The following PARD3B variants were observed in gnomAD, a reference collection of about 807,000 sequenced individuals.
The protein encoded by PARD3B is par-3 family cell polarity regulator beta.
In PARD3B, 103 loss-of-function variants were observed where a neutral mutation model predicts 130.2. The observed-to-expected ratio is 0.79, with a 90% confidence interval of 0.67 to 0.93. PARD3B has a LOEUF of 0.93. Ranked by LOEUF, PARD3B falls within the 40% of genes least tolerant of loss-of-function variation. The probability of loss-of-function intolerance (pLI) is 0.00; values close to 1 mark genes in which losing one functional copy is unlikely to be tolerated. For synonymous variants in PARD3B, 583 were observed against 553.2 expected (o/e 1.05, Z -0.76); for missense variants, 1,609 against 1,499.2 (o/e 1.07, Z -1.21).
intron 22 of PARD3B, among the ~76,000 whole-genome samples, chr2:205,598,918 T>C (rs1305440578): frequency 6.6e-6 from 1 of 152,114 alleles, no homozygotes; most frequent in African/African-American, 2.4e-5. Flanking sequence ...TTGAAACTAA[T>C]GAGAACAGAG....
intron 4 of PARD3B, among the ~76,000 whole-genome samples, chr2:205,061,374 T>C (rs961287953): frequency 6.6e-6 from 1 of 152,176 alleles, no homozygotes; most frequent in Admixed American, 6.6e-5. Context: ...GCTTGACCAC[T>C]GACTGATTTG....
At chr2:205,409,507 T>C (rs2046525137) in intron 19 of PARD3B, among the ~76,000 whole-genome samples, 2 of 152,170 alleles carry the variant, frequency 1.3e-5, no homozygotes, top group African/African-American at 4.8e-5. Flanking sequence ...TTACTGTATT[T>C]CTATAGACCA....
At position 205,589,288 on chromosome 2, in the gene PARD3B, CTCAA is replaced by C. The variant is rs979752330; in HGVS notation, c.3261-26147_3261-26144del. 6.6e-6 allele frequency among the ~76,000 whole-genome samples: 1 copy of C among 152,234 alleles called. No individual in the cohort carries two copies. The highest frequency in any genetic ancestry group is 1.5e-5 in the Non-Finnish European group (1 of 68,016). On this transcript the variant is annotated intron_variant, in intron 22 of 22. Transcript: ENST00000406610. This position sits in a 1 kb window ranked among gnomAD's most constrained non-coding sequence, Gnocchi z 4.1. ...CCTGGGTGGTGAAGCGAGACCCTGT[CTCAA>C]TCAATCAATCAATCAATCAAATCCT...
intron 2 of PARD3B, among the ~76,000 whole-genome samples, chr2:204,820,527 G>A (rs1559171327): frequency 6.6e-6 from 1 of 151,862 alleles, no homozygotes; most frequent in South Asian, 2.1e-4. Flanking sequence ...ACTTTAAGAG[G>A]AAGCTGGTTG....
At chr2:205,227,525 G>A (rs115072306) in intron 15 of PARD3B, among the ~76,000 whole-genome samples, 2,733 of 151,990 alleles carry the variant, frequency 0.018, 87 homozygotes, top group African/African-American at 0.062. Context: ...TTTCCACTGG[G>A]ATGGGATATC....
At chr2:204,779,390 T>C (rs1218641682) in intron 2 of PARD3B, among the ~76,000 whole-genome samples, 4 of 152,140 alleles carry the variant, frequency 2.6e-5, no homozygotes, top group East Asian at 1.9e-4. Context: ...CTGATATGCA[T>C]TGGTCATAGG....
chr2:204,878,220 G>T (rs2045917015), intron 2 of PARD3B, among the ~76,000 whole-genome samples: 1 of 152,076 alleles, frequency 6.6e-6, no homozygotes, highest in Non-Finnish European at 1.5e-5. Flanking sequence ...AGCTAATTAT[G>T]TGCCATCAAA....
intron 16 of PARD3B, among the ~76,000 whole-genome samples, chr2:205,267,594 CAGA>C (rs2040560199): frequency 6.6e-6 from 1 of 152,090 alleles, no homozygotes; most frequent in African/African-American, 2.4e-5. Context: ...AAAGCAAGCT[CAGA>C]AGCAGAAATG....
Position 205,440,638 on chromosome 2 carries a change from A to G in PARD3B, c.3010A>G (p.Asn1004Asp). The stretch of plus-strand genomic sequence containing the variant: ...CTTAGAGGGTCTCTATGCCAAGGTC[A>G]ACAAGCCATACCATCCACTGGTTCC... ...DHLEGLYAKV[N>D]KPYHPLVPAD... The change falls in exon 20 of 23, where the codon AAC becomes GAC. Residue 1004 changes from asparagine (N) to aspartate (D), a missense_variant. Coordinates refer to ENST00000406610, the MANE Select transcript of PARD3B (RefSeq NM_001302769.2). This position sits in a 1 kb window ranked among gnomAD's most constrained non-coding sequence, Gnocchi z 4.2. The G allele has an allele frequency of 6.2e-7, 1 of 1,613,942 alleles. No individual in the cohort carries two copies. The highest frequency in any genetic ancestry group is 8.5e-7 in the Non-Finnish European group (1 of 1,179,886).
intron 18 of PARD3B, among the ~76,000 whole-genome samples, chr2:205,385,192 A>G (rs1192439342): frequency 3.3e-5 from 5 of 152,100 alleles, no homozygotes; most frequent in Admixed American, 6.6e-5. Flanking sequence ...TAGCTAATAA[A>G]TTACCAAATT....
rs2048920450 is a variant in PARD3B, at chr2:205,473,680, G to GTGTGTA, written c.3045-26215_3045-26214insGTGTAT. 1.2e-5 allele frequency among the ~76,000 whole-genome samples: 1 copy of GTGTGTA among 86,044 alleles called. No homozygotes were observed. The highest frequency in any genetic ancestry group is 2.1e-5 in the Non-Finnish European group (1 of 47,788). 56.4% of individuals were successfully genotyped at this position (86,044 alleles called of 152,430 possible). ...TGTGTGTGTGTGTGTGTGTGTGTGT[G>GTGTGTA]TATGTATATATATATATATATATAT... On this transcript the variant is annotated intron_variant, in intron 20 of 22. Transcript: ENST00000406610. This position sits in a 1 kb window ranked among gnomAD's most constrained non-coding sequence, Gnocchi z 4.9.
chr2:205,549,034 A>G (rs1188191349), intron 21 of PARD3B, among the ~76,000 whole-genome samples: 1 of 152,334 alleles, frequency 6.6e-6, no homozygotes, highest in Non-Finnish European at 1.5e-5. Flanking sequence ...TCTACATCAC[A>G]TGTCATCAAG....
chr2:205,493,724 GTATTTATTTATTTATTTATT>G (rs1013265539), intron 20 of PARD3B, among the ~76,000 whole-genome samples: 1 of 14,984 alleles, frequency 6.7e-5, no homozygotes, highest in African/African-American at 1.2e-4. Context: ...ATTTATGTAT[GTATTTATTTATTTATTTATT>G]TATTTATTTA....
chr2:204,968,958 A>T (rs1212063002), intron 3 of PARD3B, among the ~76,000 whole-genome samples: 1 of 152,178 alleles, frequency 6.6e-6, no homozygotes, highest in East Asian at 1.9e-4. Flanking sequence ...TTATTTTCTA[A>T]TGGATTTTCT....
intron 2 of PARD3B, among the ~76,000 whole-genome samples, chr2:204,911,487 A>C (rs184236394): frequency 5.3e-5 from 8 of 152,346 alleles, no homozygotes; most frequent in African/African-American, 1.7e-4. Context: ...AAGCTCATCA[A>C]ACATCTTCAA....
chr2:205,282,134 A>G (rs553925396), intron 16 of PARD3B, among the ~76,000 whole-genome samples: 7 of 152,326 alleles, frequency 4.6e-5, no homozygotes, highest in Non-Finnish European at 8.8e-5. Flanking sequence ...AAAATCCAAG[A>G]TATAAAAGGA....
rs2125539952 is a variant in PARD3B at position 205,091,277 on chromosome 2, A to G, written c.505-13149A>G. On this transcript the variant is annotated intron_variant, in intron 4 of 22. Coordinates refer to ENST00000406610, the MANE Select transcript of PARD3B (RefSeq NM_001302769.2). This position sits in a 1 kb window ranked among gnomAD's most constrained non-coding sequence, Gnocchi z 4.2. ...CATATACACATACTACATGTAAGCCAAAGGCCCAGAGCTTGTAATAATTCA... is the reference window on the plus strand; with the variant it reads ...CATATACACATACTACATGTAAGCCGAAGGCCCAGAGCTTGTAATAATTCA... 6.6e-6 allele frequency among the ~76,000 whole-genome samples: 1 copy of G among 152,328 alleles called. No individual in the cohort carries two copies. Among genetic ancestry groups the G allele is most frequent in the African/African-American group, 2.4e-5 (1 of 41,572 alleles).
At chr2:205,032,654 A>T (rs558522751) in intron 3 of PARD3B, among the ~76,000 whole-genome samples, 14 of 152,300 alleles carry the variant, frequency 9.2e-5, no homozygotes, top group Admixed American at 3.9e-4. Flanking sequence ...TTTAGGTGTT[A>T]TTAAGCAGAA....
chr2:204,997,983 T>C (rs962621585), intron 3 of PARD3B, among the ~76,000 whole-genome samples: 1 of 149,838 alleles, frequency 6.7e-6, no homozygotes, highest in African/African-American at 2.4e-5. Flanking sequence ...TATGTGCATA[T>C]ATACACATAT....
Sources: allele counts gnomAD v4.1 joint callset (sites outside exome capture counted in the v4.1 genomes callset), GRCh38; gene constraint gnomAD v4.1.1; non-coding constraint Gnocchi (gnomAD v3.1); transcripts MANE v1.5; gene names NCBI Gene and HGNC (gene_info 2026-07-23, HGNC 2026-07-21).